IMMP2L: variants seen among roughly 807,000 people sequenced by gnomAD.
The protein encoded by IMMP2L is mitochondrial inner membrane protease subunit 2.
Under a neutral mutation model 19.3 loss-of-function variants are expected in IMMP2L, and 18 were observed. That is an observed-to-expected ratio of 0.93 (90% CI 0.64 to 1.38). The LOEUF (loss-of-function observed/expected upper bound fraction) is 1.38. Ranked by LOEUF, IMMP2L falls within the 40% of genes most tolerant of loss-of-function variation. The pLI, the probability that IMMP2L is intolerant of heterozygous loss-of-function variation, is 0.00. For synonymous variants in IMMP2L, 76 were observed against 73.0 expected (o/e 1.04, Z -0.21); for missense variants, 233 against 218.2 (o/e 1.07, Z -0.43).
At chr7:110,964,578 G>A (rs1433010432) in intron 3 of IMMP2L, among the ~76,000 whole-genome samples, 1 of 151,910 alleles carries the variant, frequency 6.6e-6, no homozygotes, top group African/African-American at 2.4e-5. Context: ...TTTTAACTTA[G>A]AGTAATACTC....
At chr7:111,177,766 C>T (rs1807237951) in intron 3 of IMMP2L, among the ~76,000 whole-genome samples, 1 of 151,918 alleles carries the variant, frequency 6.6e-6, no homozygotes, top group African/African-American at 2.4e-5. Context: ...GTACATGTGA[C>T]ATTTCTTTTA....
intron 3 of IMMP2L, among the ~76,000 whole-genome samples, chr7:111,472,997 GATT>G (rs1563235859): frequency 6.6e-6 from 1 of 151,936 alleles, no homozygotes; most frequent in East Asian, 1.9e-4. Context: ...AATGAATGAA[GATT>G]ATTTGATTAA....
chr7:111,094,519 T>C (rs961571057), intron 3 of IMMP2L, among the ~76,000 whole-genome samples: 23 of 152,184 alleles, frequency 1.5e-4, no homozygotes, highest in African/African-American at 4.1e-4. Context: ...TAGCTACTTA[T>C]GTATCACTCT....
intron 5 of IMMP2L, among the ~76,000 whole-genome samples, chr7:110,770,741 A>C (rs1798978501): frequency 6.6e-6 from 1 of 152,196 alleles, no homozygotes; most frequent in African/African-American, 2.4e-5. Flanking sequence ...TGTTCAGTGA[A>C]AGAAGTCTTC....
intron 4 of IMMP2L, among the ~76,000 whole-genome samples, chr7:110,930,195 A>G (rs1815310120): frequency 6.6e-6 from 1 of 152,130 alleles, no homozygotes. Flanking sequence ...CTTCCTTTTC[A>G]TATGTCCTTT....
intron 3 of IMMP2L, among the ~76,000 whole-genome samples, chr7:111,329,013 C>A (rs1456723379): frequency 6.6e-6 from 1 of 151,760 alleles, no homozygotes; most frequent in Admixed American, 6.6e-5. Flanking sequence ...TTTTTCCTAA[C>A]CTGCTCAGAC....
At chr7:110,938,503 A>C (rs555189291) in intron 4 of IMMP2L, among the ~76,000 whole-genome samples, 132 of 152,292 alleles carry the variant, frequency 8.7e-4, no homozygotes, top group South Asian at 3.5e-3. Context: ...CCTTTCTCCA[A>C]ATGAAACAAC....
intron 3 of IMMP2L, among the ~76,000 whole-genome samples, chr7:111,470,778 T>C (rs1434702925): frequency 1.3e-5 from 2 of 149,140 alleles, no homozygotes; most frequent in Non-Finnish European, 3.0e-5. Context: ...TAATGCTAAA[T>C]GACGAGTTAA....
At chr7:110,890,319 G>C (rs1017812058) in intron 4 of IMMP2L, among the ~76,000 whole-genome samples, 1 of 151,984 alleles carries the variant, frequency 6.6e-6, no homozygotes, top group South Asian at 2.1e-4. Flanking sequence ...TTGTATATTT[G>C]AATATTGCTA....
At chr7:111,235,820 T>C (rs1398635979) in intron 3 of IMMP2L, among the ~76,000 whole-genome samples, 3 of 152,104 alleles carry the variant, frequency 2.0e-5, no homozygotes, top group Admixed American at 1.3e-4. Flanking sequence ...ACATGAATAC[T>C]GAGGCACTTG....
At chr7:110,718,452 T>A (rs1207116457) in intron 5 of IMMP2L, among the ~76,000 whole-genome samples, 2 of 152,184 alleles carry the variant, frequency 1.3e-5, no homozygotes, top group Admixed American at 1.3e-4. Context: ...CTTGCACTAA[T>A]CTTCTCAATG....
At chr7:111,346,939 G>A (rs1827624922) in intron 3 of IMMP2L, among the ~76,000 whole-genome samples, 1 of 152,042 alleles carries the variant, frequency 6.6e-6, no homozygotes. Context: ...AACTCATAGA[G>A]ATGCTGGCAA....
intron 4 of IMMP2L, 90 bp downstream of exon 4, chr7:110,963,410 C>T (rs979519682): frequency 1.9e-5 from 17 of 899,612 alleles, no homozygotes; most frequent in African/African-American, 1.7e-5. Context: ...CTTTGGCCCT[C>T]ATGGACTTCA....
At chr7:111,241,647 G>C (rs1815054342) in intron 3 of IMMP2L, among the ~76,000 whole-genome samples, 1 of 151,582 alleles carries the variant, frequency 6.6e-6, no homozygotes, top group South Asian at 2.1e-4. Flanking sequence ...TAAGTACCAA[G>C]GGTCTAGCCA....
chr7:111,201,004 C>A (rs1455594285), intron 3 of IMMP2L, among the ~76,000 whole-genome samples: 1 of 152,048 alleles, frequency 6.6e-6, no homozygotes, highest in Non-Finnish European at 1.5e-5. Flanking sequence ...TTGGAAAATT[C>A]TTTTAGATTA....
At chr7:111,556,125 A>G (rs1184603027) in intron 1 of IMMP2L, among the ~76,000 whole-genome samples, 2 of 149,412 alleles carry the variant, frequency 1.3e-5, no homozygotes, top group African/African-American at 4.9e-5. Context: ...ATGTGTGCAT[A>G]CAGAGATGGA....
At chr7:110,673,189 A>G (rs544593169) in intron 5 of IMMP2L, among the ~76,000 whole-genome samples, 1 of 152,166 alleles carries the variant, frequency 6.6e-6, no homozygotes, top group Non-Finnish European at 1.5e-5. Flanking sequence ...GCCCAACCAC[A>G]TGGTAGCTGC....
intron 3 of IMMP2L, among the ~76,000 whole-genome samples, chr7:111,401,704 T>G (rs894382267): frequency 1.3e-5 from 2 of 152,098 alleles, no homozygotes; most frequent in African/African-American, 4.8e-5. Context: ...AAGCAAGTCA[T>G]GGTCATACTG....
intron 4 of IMMP2L, among the ~76,000 whole-genome samples, chr7:110,905,384 CT>C (rs1168978645): frequency 2.0e-5 from 3 of 151,946 alleles, no homozygotes; most frequent in Non-Finnish European, 2.9e-5. Flanking sequence ...TGAAAACTGT[CT>C]TATCCCCATT....
Sources: allele counts gnomAD v4.1 joint callset (sites outside exome capture counted in the v4.1 genomes callset), GRCh38; gene constraint gnomAD v4.1.1; transcripts MANE v1.5; gene names NCBI Gene and HGNC (gene_info 2026-07-23, HGNC 2026-07-21).